The following CSMD3 variants were observed in gnomAD, a reference collection of about 807,000 sequenced individuals.
CSMD3 encodes the protein CUB and Sushi multiple domains 3, also known as CUB and sushi domain-containing protein 3.
In CSMD3, 177 loss-of-function variants were observed where a neutral mutation model predicts 435.2. That is an observed-to-expected ratio of 0.41 (90% CI 0.36 to 0.46). The LOEUF is 0.46. CSMD3 is among the 20% of genes least tolerant of loss of function. The pLI is 0.34. For synonymous variants in CSMD3, 1,656 were observed against 1,520.5 expected (o/e 1.09, Z -2.07); for missense variants, 4,265 against 4,504.6 (o/e 0.95, Z 1.52).
chr8:112,343,009 A>ATATATATT (rs1563815708), intron 41 of CSMD3, among the ~76,000 whole-genome samples: 1 of 94,774 alleles, frequency 1.1e-5, no homozygotes, highest in African/African-American at 3.0e-5. Flanking sequence ...ATTTATATAT[A>ATATATATT]TATATATTTA....
At chr8:113,103,717 T>C (rs1254164780) in intron 4 of CSMD3, among the ~76,000 whole-genome samples, 2 of 152,096 alleles carry the variant, frequency 1.3e-5, no homozygotes, top group Non-Finnish European at 2.9e-5. Flanking sequence ...CCATTTATTA[T>C]ACTTTAAAAT....
At chr8:112,977,365 G>A (rs72682194) in intron 6 of CSMD3, among the ~76,000 whole-genome samples, 2,840 of 152,006 alleles carry the variant, frequency 0.019, 45 homozygotes, top group Non-Finnish European at 0.025. Flanking sequence ...AATTCTGTTA[G>A]CAATGTTTAC....
intron 1 of CSMD3, among the ~76,000 whole-genome samples, chr8:113,373,687 G>T (rs1284333284): frequency 3.3e-5 from 5 of 151,976 alleles, no homozygotes; most frequent in Non-Finnish European, 7.4e-5. Flanking sequence ...AAGGACCTTA[G>T]AATTTGTCAC....
intron 5 of CSMD3, among the ~76,000 whole-genome samples, chr8:113,089,717 T>C (rs2089936521): frequency 6.6e-6 from 1 of 152,196 alleles, no homozygotes; most frequent in Admixed American, 6.5e-5. Flanking sequence ...TTATCACTTG[T>C]GTCACTTGCC....
chr8:112,539,105 A>G, intron 27 of CSMD3: 1 of 154,792 alleles, frequency 6.5e-6, no homozygotes, highest in Non-Finnish European at 1.4e-5. Flanking sequence ...AGCAAAATTC[A>G]TCATCCTTTT....
intron 1 of CSMD3, among the ~76,000 whole-genome samples, chr8:113,327,440 T>G (rs2093991482): frequency 6.6e-6 from 1 of 152,138 alleles, no homozygotes; most frequent in Non-Finnish European, 1.5e-5. Flanking sequence ...AAGGGGTGTT[T>G]TTTTCAAGAA....
At chr8:112,594,530 C>A (rs1306610594) in intron 22 of CSMD3, among the ~76,000 whole-genome samples, 2 of 152,194 alleles carry the variant, frequency 1.3e-5, no homozygotes, top group African/African-American at 4.8e-5. Flanking sequence ...CTCAAGGAGG[C>A]CTGCCTGCCT....
intron 32 of CSMD3, among the ~76,000 whole-genome samples, chr8:112,468,827 A>G (rs953825350): frequency 1.3e-5 from 2 of 152,120 alleles, no homozygotes; most frequent in South Asian, 4.1e-4. Flanking sequence ...GTAAAATATT[A>G]ATAAATTCTA....
At chr8:112,644,498 A>T (rs2074923811) in intron 20 of CSMD3, among the ~76,000 whole-genome samples, 2 of 152,044 alleles carry the variant, frequency 1.3e-5, no homozygotes, top group Admixed American at 1.3e-4. Context: ...TGAATGAACC[A>T]TGTTTAATAC....
intron 27 of CSMD3, among the ~76,000 whole-genome samples, chr8:112,531,556 C>T (rs977641952): frequency 1.3e-5 from 2 of 152,092 alleles, no homozygotes; most frequent in African/African-American, 2.4e-5. Context: ...AAGGATCATC[C>T]TGGCAACCCA....
At chr8:112,427,497 T>A (rs1422985864) in intron 32 of CSMD3, among the ~76,000 whole-genome samples, 1 of 152,158 alleles carries the variant, frequency 6.6e-6, no homozygotes, top group Non-Finnish European at 1.5e-5. Context: ...CTTCCCCTTC[T>A]GCCATGATTG....
intron 2 of CSMD3, among the ~76,000 whole-genome samples, chr8:113,286,473 G>A (rs989218268): frequency 2.6e-5 from 4 of 151,886 alleles, no homozygotes; most frequent in African/African-American, 7.2e-5. Context: ...TAAATTGTAC[G>A]TTTAGAATAT....
intron 6 of CSMD3, among the ~76,000 whole-genome samples, chr8:112,982,311 A>T (rs1376847968): frequency 1.3e-5 from 2 of 151,956 alleles, no homozygotes; most frequent in African/African-American, 2.4e-5. Context: ...CACAAAACTG[A>T]CAATAAATGT....
chr8:112,639,167 A>G lies in CSMD3; in HGVS notation c.3311-256T>C, dbSNP rs568135064. ...ATACAATTTAAAAATCAGTGCCTGA[A>G]AAAAAATTACCTGGTTTTCTGAAAA... On this transcript the variant is annotated intron_variant, in intron 20 of 70. Transcript: ENST00000297405. 2.0e-5 allele frequency among the ~76,000 whole-genome samples: 3 copies of G among 152,160 alleles called. No homozygotes were observed. The South Asian group carries it at 6.2e-4, about 32-fold the overall frequency.
chr8:112,600,561 C>G (rs1479744920), intron 22 of CSMD3, among the ~76,000 whole-genome samples: 1 of 152,168 alleles, frequency 6.6e-6, no homozygotes, highest in African/African-American at 2.4e-5. Context: ...AGAAGGCAAT[C>G]CTTTATGCAA....
chr8:113,188,971 T>C (rs749203174), intron 3 of CSMD3, among the ~76,000 whole-genome samples: 51 of 151,984 alleles, frequency 3.4e-4, no homozygotes, highest in Non-Finnish European at 6.0e-4. Context: ...GAAAAGGTGA[T>C]CATTTGGGCA....
intron 4 of CSMD3, among the ~76,000 whole-genome samples, chr8:113,161,461 T>TATG (rs1331247672): frequency 6.6e-6 from 1 of 152,134 alleles, no homozygotes; most frequent in East Asian, 1.9e-4. Context: ...ATTTTTGTGT[T>TATG]ATGCTTAAAA....
At chr8:112,633,342 A>C (rs1477814512) in intron 22 of CSMD3, among the ~76,000 whole-genome samples, 1 of 152,006 alleles carries the variant, frequency 6.6e-6, no homozygotes, top group Admixed American at 6.6e-5. Flanking sequence ...GTGTGCTACT[A>C]CTGTGGACCA....
chr8:112,383,692 A>G (rs1829680267), intron 36 of CSMD3, 29 bp from the exon 37 acceptor site: 2 of 1,314,168 alleles, frequency 1.5e-6, no homozygotes, highest in African/African-American at 1.4e-5. Context: ...AGGTAAGAAT[A>G]CACATTTCTA....
Sources: gnomAD v4.1 joint callset for allele counts (sites outside exome capture counted in the v4.1 genomes callset) on GRCh38, gnomAD v4.1.1 for gene constraint, MANE v1.5 for transcripts, NCBI Gene and HGNC (gene_info 2026-07-23, HGNC 2026-07-21) for gene names.